The following CCDC170 variants were observed in gnomAD, a reference collection of about 807,000 sequenced individuals.
CCDC170 encodes the protein coiled-coil domain-containing protein 170.
CCDC170 carries 69 observed loss-of-function variants against 72.6 expected under a neutral mutation model. The ratio of observed to expected loss-of-function variants is 0.95; its 90% confidence interval spans 0.78 to 1.16. The LOEUF (loss-of-function observed/expected upper bound fraction) is 1.16, where lower values mean the gene tolerates loss of function less well. CCDC170 is among the 50% of genes most tolerant of loss of function. The probability of loss-of-function intolerance (pLI) is 0.00; values close to 1 mark genes in which losing one functional copy is unlikely to be tolerated. For missense variants in CCDC170, 852 were observed against 832.5 expected, an observed-to-expected ratio of 1.02 and a Z score of -0.29; for synonymous variants, 300 against 303.9, an observed-to-expected ratio of 0.99 and a Z score of 0.13.
chr6:151,509,634 T>C (rs4870024), intron 1 of CCDC170, among the ~76,000 whole-genome samples: 48,163 of 152,056 alleles, frequency 0.32, 9,547 homozygotes, highest in African/African-American at 0.56. Context: ...AAGAATCCAT[T>C]TTCCAAAAAG....
intron 2 of CCDC170, 114 bp downstream of exon 2, chr6:151,536,560 A>T: frequency 1.7e-6 from 2 of 1,187,612 alleles, no homozygotes; most frequent in Non-Finnish European, 2.4e-6. Flanking sequence ...GCAGATCACG[A>T]GGTCAAGAGA....
intron 3 of CCDC170, among the ~76,000 whole-genome samples, chr6:151,539,260 C>CA (rs11412896): frequency 0.61 from 91,002 of 148,036 alleles, 29,541 homozygotes; most frequent in Admixed American, 0.72. Flanking sequence ...GACTCTGTCT[C>CA]AAAAAAAAAA....
intron 9 of CCDC170, among the ~76,000 whole-genome samples, chr6:151,596,936 C>G (rs1171019863): frequency 6.6e-6 from 1 of 151,960 alleles, no homozygotes; most frequent in Non-Finnish European, 1.5e-5. Context: ...AAGCGATTCT[C>G]TTGCCTCAGC....
At chr6:151,514,373 G>A (rs147336935) in intron 1 of CCDC170, among the ~76,000 whole-genome samples, 251 of 107,038 alleles carry the variant, frequency 2.3e-3, no homozygotes, top group East Asian at 4.0e-3. Context: ...GGGAGGGAGG[G>A]AGGAAGGAAG....
intron 1 of CCDC170, among the ~76,000 whole-genome samples, chr6:151,522,664 G>T (rs748937404): frequency 6.6e-6 from 1 of 152,198 alleles, no homozygotes; most frequent in Non-Finnish European, 1.5e-5. Flanking sequence ...GTCCAAGTGT[G>T]CGCTCACCAT....
At chr6:151,516,111 C>T (rs1403569991) in intron 1 of CCDC170, among the ~76,000 whole-genome samples, 1 of 150,944 alleles carries the variant, frequency 6.6e-6, no homozygotes, top group Non-Finnish European at 1.5e-5. Context: ...AGGTAAAATA[C>T]TTCGATTTCT....
intron 7 of CCDC170, among the ~76,000 whole-genome samples, chr6:151,589,183 A>G (rs1776497052): frequency 6.6e-6 from 1 of 152,086 alleles, no homozygotes; most frequent in African/African-American, 2.4e-5. Flanking sequence ...TGAATTTGAG[A>G]GGCAGAGGTT....
At chr6:151,509,207 C>CATCTATCTATCTATGTATCTATCT in intron 1 of CCDC170, among the ~76,000 whole-genome samples, 1 of 141,722 alleles carries the variant, frequency 7.1e-6, no homozygotes, top group Non-Finnish European at 1.5e-5. Flanking sequence ...CTCTCTGTCT[C>CATCTATCTATCTATGTATCTATCT]ATCTATCTAT....
intron 2 of CCDC170, among the ~76,000 whole-genome samples, chr6:151,537,105 C>T (rs1460061037): frequency 6.6e-6 from 1 of 152,160 alleles, no homozygotes; most frequent in African/African-American, 2.4e-5. Context: ...ATCTGGAGTT[C>T]TTAAGAGGGA....
At chr6:151,533,272 T>C (rs565984396) in intron 1 of CCDC170, among the ~76,000 whole-genome samples, 133 of 151,476 alleles carry the variant, frequency 8.8e-4, no homozygotes, top group Non-Finnish European at 1.6e-3. Context: ...GCCAGGATGG[T>C]CTCGATCTCC....
At chr6:151,517,406 A>G (rs1280166101) in intron 1 of CCDC170, among the ~76,000 whole-genome samples, 1 of 151,204 alleles carries the variant, frequency 6.6e-6, no homozygotes, top group Admixed American at 6.6e-5. Context: ...GAGGACTCCC[A>G]TACCCTTACT....
At chr6:151,522,810 C>T (rs1444619829) in intron 1 of CCDC170, among the ~76,000 whole-genome samples, 1 of 152,184 alleles carries the variant, frequency 6.6e-6, no homozygotes, top group Admixed American at 6.5e-5. Flanking sequence ...AAACAAGCAT[C>T]GTATCTTACA....
At chr6:151,531,558 G>T (rs550810159) in intron 1 of CCDC170, among the ~76,000 whole-genome samples, 91 of 152,276 alleles carry the variant, frequency 6.0e-4, no homozygotes, top group African/African-American at 2.1e-3. Context: ...CTACCATAAT[G>T]TTTAGGGGGA....
rs372501986 is a variant in CCDC170, at chr6:151,615,591, A to G, written c.1859A>G (p.Glu620Gly). 6.8e-6 allele frequency: 11 copies of G among 1,614,052 alleles called. No individual in the cohort carries two copies. The African/African-American group carries it at 1.5e-4, about 22-fold the overall frequency. Reference sequence around the variant, plus strand: ...GAACATGAGGCTAAGGAGAATAAAGAAAGGGCCAGAAACATGATAGAAGTG... The same window carrying G: ...GAACATGAGGCTAAGGAGAATAAAGGAAGGGCCAGAAACATGATAGAAGTG... ...TTEHEAKENK[E>G]RARNMIEVVT... The change falls in exon 10 of 11, where the codon GAA becomes GGA. Residue 620 changes from glutamate (E) to glycine (G), a missense_variant. Physicochemically the swap from Glu to Gly is moderately conservative, Grantham distance 98. Transcript: ENST00000239374.
rs1440789511 is a variant in CCDC170, at chr6:151,562,343, C to T, written c.775-10831C>T. ...CTGAGTCCTTCTCAGGGAAATGTTGCTTCTTATTTTTGAATTTGCTATTGT... is the reference window on the plus strand; with the variant it reads ...CTGAGTCCTTCTCAGGGAAATGTTGTTTCTTATTTTTGAATTTGCTATTGT... On this transcript the variant is annotated intron_variant, in intron 5 of 10. Transcript: ENST00000239374. Among the ~76,000 whole-genome samples the T allele has an allele frequency of 4.6e-5, 7 of 152,208 alleles. No homozygotes were observed. In the East Asian group the frequency reaches 1.4e-3, roughly 29 times the overall value.
chr6:151,504,886 AT>A (rs992918463), intron 1 of CCDC170, among the ~76,000 whole-genome samples: 5 of 151,908 alleles, frequency 3.3e-5, no homozygotes, highest in African/African-American at 9.7e-5. Flanking sequence ...AACCCAGCAA[AT>A]ATCAAGTTGT....
At chr6:151,555,254 A>G (rs1782956623) in intron 5 of CCDC170, among the ~76,000 whole-genome samples, 1 of 152,214 alleles carries the variant, frequency 6.6e-6, no homozygotes, top group African/African-American at 2.4e-5. Context: ...ATTAAATGGT[A>G]AAATATACAT....
intron 4 of CCDC170, among the ~76,000 whole-genome samples, chr6:151,548,100 C>G (rs190372813): frequency 6.6e-6 from 1 of 152,124 alleles, no homozygotes; most frequent in African/African-American, 2.4e-5. Flanking sequence ...TGCCTTGTGG[C>G]CACCTTTTGG....
chr6:151,522,792 T>C lies in CCDC170; in HGVS notation c.58-13526T>C, dbSNP rs144768592. On this transcript the variant is annotated intron_variant, in intron 1 of 10. Coordinates refer to ENST00000239374, the MANE Select transcript of CCDC170 (RefSeq NM_025059.4). ...GTGGCACTGAAACTTTATAACAACCTTGCATATAAACAAGCATCGTATCTT... is the reference window on the plus strand; with the variant it reads ...GTGGCACTGAAACTTTATAACAACCCTGCATATAAACAAGCATCGTATCTT... Among the ~76,000 whole-genome samples, 885 of 152,366 alleles carry C rather than the reference T, an allele frequency of 5.8e-3. 6 individuals carry two copies. The highest frequency in any genetic ancestry group is 0.01 in the Non-Finnish European group (702 of 68,032).
Sources: allele counts gnomAD v4.1 joint callset (sites outside exome capture counted in the v4.1 genomes callset), GRCh38; gene constraint gnomAD v4.1.1; transcripts MANE v1.5; gene names NCBI Gene and HGNC (gene_info 2026-07-23, HGNC 2026-07-21).